The following SKAP2 variants were observed in gnomAD, a reference collection of about 807,000 sequenced individuals.
SKAP2 encodes the protein src kinase-associated phosphoprotein 2.
In SKAP2, 28 loss-of-function variants were observed where a neutral mutation model predicts 54.9. The observed-to-expected ratio is 0.51, with a 90% CI of 0.38 to 0.70. The LOEUF (loss-of-function observed/expected upper bound fraction) is 0.70. Among genes scored for constraint, SKAP2 ranks in the 30% least tolerant of loss-of-function variants. SKAP2 has a pLI of 0.00. For missense variants in SKAP2, 356 were observed against 424.1 expected, an observed-to-expected ratio of 0.84 and a Z score of 1.41; for synonymous variants, 137 against 134.3, an observed-to-expected ratio of 1.02 and a Z score of -0.14.
intron 4 of SKAP2, among the ~76,000 whole-genome samples, chr7:26,747,828 C>T (rs79671770): frequency 6.6e-6 from 1 of 151,302 alleles, no homozygotes; most frequent in Admixed American, 6.6e-5. Flanking sequence ...CTCTCTTCTC[C>T]TCTCCTTTCC....
At chr7:26,656,753 C>T in the SKAP2 span, among the ~76,000 whole-genome samples, 1 of 152,120 alleles carries the variant, frequency 6.6e-6, no homozygotes, top group East Asian at 1.9e-4. Flanking sequence ...GTGGAACTTA[C>T]AAAGATATTT....
intron 9 of SKAP2, among the ~76,000 whole-genome samples, chr7:26,712,229 T>G (rs1787326803): frequency 6.6e-6 from 1 of 152,170 alleles, no homozygotes; most frequent in Admixed American, 6.5e-5. Context: ...TCTGAAATAC[T>G]CCAATGAGCA....
intron 9 of SKAP2, among the ~76,000 whole-genome samples, chr7:26,722,423 A>T (rs1469871301): frequency 1.8e-5 from 2 of 114,176 alleles, no homozygotes; most frequent in Non-Finnish European, 3.3e-5. Flanking sequence ...ACACAGTCTC[A>T]CTCTGTTGCC....
rs1443285538 is a variant in SKAP2, at chr7:26,864,507, T to A, written c.-78A>T. The A allele has an allele frequency of 5.9e-6, 9 of 1,517,362 alleles. No homozygotes were observed. The Admixed American group carries it at 2.0e-4, about 33-fold the overall frequency. 94.0% of individuals were successfully genotyped at this position (1,517,362 alleles called of 1,614,324 possible). On this transcript the variant is annotated 5_prime_UTR_variant, in exon 1 of 13. Transcript: ENST00000345317. ...ACGGGGTGGGGCTGCGGCTGCGACC[T>A]AGACTCAGGCTAGCGGCCCGGATTA...
chr7:26,805,456 A>T (rs917145122), intron 4 of SKAP2, among the ~76,000 whole-genome samples: 2 of 152,166 alleles, frequency 1.3e-5, no homozygotes, highest in African/African-American at 4.8e-5. Flanking sequence ...ATTCTAAAGG[A>T]CAGAATGTGG....
chr7:26,683,862 G>C (rs1786569203), intron 11 of SKAP2, among the ~76,000 whole-genome samples: 1 of 152,048 alleles, frequency 6.6e-6, no homozygotes, highest in South Asian at 2.1e-4. Context: ...CTCTAATCAA[G>C]AAAGAAACCA....
chr7:26,717,442 G>A (rs1452313021), intron 9 of SKAP2, among the ~76,000 whole-genome samples: 1 of 144,448 alleles, frequency 6.9e-6, no homozygotes, highest in African/African-American at 2.6e-5. Flanking sequence ...CCCAGGAGGT[G>A]GAGGTTGCAG....
chr7:26,755,768 T>C (rs116690581), intron 4 of SKAP2, among the ~76,000 whole-genome samples: 4 of 152,270 alleles, frequency 2.6e-5, no homozygotes, highest in African/African-American at 4.8e-5. Context: ...TTTTAACTTA[T>C]AGGACTGGCA....
chr7:26,791,305 A>G (rs1488249358), intron 4 of SKAP2, among the ~76,000 whole-genome samples: 1 of 152,018 alleles, frequency 6.6e-6, no homozygotes, highest in Non-Finnish European at 1.5e-5. Flanking sequence ...CCCAGGCTGG[A>G]GTGCAGTGGT....
chr7:26,657,935 C>G, the SKAP2 span, among the ~76,000 whole-genome samples: 1 of 151,976 alleles, frequency 6.6e-6, no homozygotes, highest in Admixed American at 6.6e-5. Context: ...CTCTGGAGAC[C>G]TGACACAGGA....
At chr7:26,802,706 C>A (rs542449102) in intron 4 of SKAP2, among the ~76,000 whole-genome samples, 6 of 152,028 alleles carry the variant, frequency 3.9e-5, no homozygotes, top group African/African-American at 1.4e-4. Flanking sequence ...CATGGTGAAA[C>A]CCAGTCTCTA....
intron 10 of SKAP2, among the ~76,000 whole-genome samples, chr7:26,685,638 C>T (rs1489106911): frequency 6.6e-6 from 1 of 152,172 alleles, no homozygotes; most frequent in Non-Finnish European, 1.5e-5. Context: ...CTCAAACTGC[C>T]ATACAGACCA....
chr7:26,854,525 C>A (rs1440133826), intron 2 of SKAP2, among the ~76,000 whole-genome samples: 3 of 151,864 alleles, frequency 2.0e-5, no homozygotes, highest in Non-Finnish European at 2.9e-5. Context: ...ACCAAATATA[C>A]CCTCAGATAA....
intron 4 of SKAP2, among the ~76,000 whole-genome samples, chr7:26,740,965 G>GA (rs199560537): frequency 0.016 from 2,409 of 150,772 alleles, 25 homozygotes; most frequent in Non-Finnish European, 0.023. Context: ...TCCAGCCTGG[G>GA]AAAAAAAAGA....
intron 4 of SKAP2, among the ~76,000 whole-genome samples, chr7:26,742,716 T>C (rs1263289218): frequency 6.6e-6 from 1 of 150,432 alleles, no homozygotes; most frequent in Admixed American, 6.7e-5. Context: ...TTAATAGCCA[T>C]ATGAATTCTT....
chr7:26,786,524 T>G (rs1783548279), intron 4 of SKAP2, among the ~76,000 whole-genome samples: 1 of 151,972 alleles, frequency 6.6e-6, no homozygotes, highest in Admixed American at 6.6e-5. Context: ...TATAAAAGTA[T>G]CAGTCAGGTC....
intron 4 of SKAP2, among the ~76,000 whole-genome samples, chr7:26,760,925 T>C (rs1347088200): frequency 6.6e-6 from 1 of 152,212 alleles, no homozygotes; most frequent in East Asian, 1.9e-4. Context: ...TAGTATAAGT[T>C]GCTTCCGAAA....
chr7:26,863,301 T>C (rs935405766), intron 1 of SKAP2, among the ~76,000 whole-genome samples: 3 of 152,194 alleles, frequency 2.0e-5, no homozygotes, highest in African/African-American at 7.2e-5. Context: ...TTAGATGACA[T>C]TGCTTTTTAA....
At position 26,817,760 on chromosome 7, in the gene SKAP2, T is replaced by C. The variant is rs1006243794; in HGVS notation, c.307+26270A>G. Among the ~76,000 whole-genome samples the C allele has an allele frequency of 1.4e-4, 21 of 152,102 alleles. 1 individual carries two copies. Among genetic ancestry groups the C allele is most frequent in the Admixed American group, 3.3e-4 (5 of 15,268 alleles). Reference sequence around the variant, plus strand: ...AAAGTCTCAGGATACAAAATCAATGTGCAAAAATCACAAGCATTCCTATAC... The same window carrying C: ...AAAGTCTCAGGATACAAAATCAATGCGCAAAAATCACAAGCATTCCTATAC... On this transcript the variant is annotated intron_variant, in intron 4 of 12. Coordinates refer to ENST00000345317, the MANE Select transcript of SKAP2 (RefSeq NM_003930.5).
Sources: gnomAD v4.1 joint callset for allele counts (sites outside exome capture counted in the v4.1 genomes callset) on GRCh38, gnomAD v4.1.1 for gene constraint, MANE v1.5 for transcripts, NCBI Gene and HGNC (gene_info 2026-07-23, HGNC 2026-07-21) for gene names.